DGCR8: variants seen among roughly 807,000 people sequenced by gnomAD.
DGCR8 encodes DGCR8 microprocessor complex subunit, also known as microprocessor complex subunit DGCR8.
DGCR8 carries 14 observed loss-of-function variants against 78.5 expected under a neutral mutation model. The ratio of observed to expected loss-of-function variants is 0.18; its 90% confidence interval spans 0.12 to 0.28. DGCR8 has a LOEUF of 0.28. DGCR8 is among the 10% of genes least tolerant of loss of function. DGCR8 has a pLI of 1.00. For synonymous variants in DGCR8, 399 were observed against 402.4 expected (o/e 0.99, Z 0.10); for missense variants, 702 against 1,022.5 (o/e 0.69, Z 4.28).
At chr22:20,095,242 A>C (rs946125001) in intron 9 of DGCR8, among the ~76,000 whole-genome samples, 2 of 152,088 alleles carry the variant, frequency 1.3e-5, no homozygotes, top group African/African-American at 4.8e-5. Context: ...AGTAGCTGGG[A>C]TTACAGGTGT....
rs947125018 is a variant in DGCR8, at chr22:20,096,589, CAG to C, written c.1788+1797_1788+1798del. 35 of 568,354 alleles carry C rather than the reference CAG, an allele frequency of 6.2e-5. No homozygotes were observed. The African/African-American group carries it at 6.9e-4, about 11-fold the overall frequency. 35.2% of individuals were successfully genotyped at this position (568,354 alleles called of 1,614,324 possible). On this transcript the variant is annotated intron_variant, in intron 9 of 13. Transcript: ENST00000351989. The stretch of plus-strand genomic sequence containing the variant: ...CTATATAAGTGGATTTTTATATATT[CAG>C]AGTTGTATAACCATCATAACTACCT...
At chr22:20,107,834 G>C (rs1158964443) in intron 12 of DGCR8, 1 of 195,750 alleles carries the variant, frequency 5.1e-6, no homozygotes. Context: ...GAGCATATGT[G>C]TACCATCTGT....
chr22:20,080,401 GGGGCGCCCGC>G lies in DGCR8; in HGVS notation c.-278+24_-278+33del. 1 of 831,048 alleles carries G rather than the reference GGGGCGCCCGC, an allele frequency of 1.2e-6. No individual in the cohort carries two copies. Among genetic ancestry groups the G allele is most frequent in the Non-Finnish European group, 1.3e-6 (1 of 759,938 alleles). 51.5% of individuals were successfully genotyped at this position (831,048 alleles called of 1,614,324 possible). On this transcript the variant is annotated intron_variant, in intron 1 of 13. Transcript: ENST00000351989. ...CGCCTCAGGTAGGTGCGGGGCGCGA[GGGGCGCCCGC>G]GGGCGGTTGGGCGGGCGCCGCGGCC...
At chr22:20,091,398 A>C in intron 5 of DGCR8, 37 bp from the exon 6 acceptor site, 3 of 1,609,536 alleles carry the variant, frequency 1.9e-6, no homozygotes, top group Non-Finnish European at 2.6e-6. Context: ...CTATGTTGGA[A>C]GTTAAGTAAT....
At chr22:20,091,682 C>T (rs1423597081) in intron 6 of DGCR8, 50 bp downstream of exon 6, 1 of 1,598,138 alleles carries the variant, frequency 6.3e-7, no homozygotes, top group Non-Finnish European at 8.6e-7. Flanking sequence ...GCTGTTATTT[C>T]TAATGTGATG....
rs775144679 is a variant in DGCR8, at chr22:20,107,226, G to A, written c.1997-45G>A. 2.5e-6 allele frequency: 4 copies of A among 1,613,534 alleles called. No individual in the cohort carries two copies. The South Asian group carries it at 4.4e-5, about 18-fold the overall frequency. On this transcript the variant is annotated intron_variant, in intron 11 of 13. Transcript: ENST00000351989. ...AGCGGCAGGGGGCCCCATGAGCACT[G>A]GGTGTTTGTGACCCCCTCTCCATGC...
chr22:20,085,897 G>C lies in DGCR8; in HGVS notation c.-67G>C. On this transcript the variant is annotated 5_prime_UTR_variant, in exon 2 of 14. Transcript: ENST00000351989. This position sits in a 1 kb window ranked among gnomAD's most constrained non-coding sequence, Gnocchi z 6.2. ...GGTCTCAGCGGACTTGTGCATGTTA[G>C]CTGTGTAGATTTATGTGAGGGCTTG... The C allele has an allele frequency of 6.6e-7, 1 of 1,507,376 alleles. No homozygotes were observed. The highest frequency in any genetic ancestry group is 8.8e-7 in the Non-Finnish European group (1 of 1,135,822). The allele number at this position is 1,507,376 out of a possible 1,614,324, so 93.4% of individuals were successfully genotyped here. A position where few individuals can be genotyped will look rare whatever the true frequency, so the allele number is the denominator to read the frequency against.
intron 9 of DGCR8, among the ~76,000 whole-genome samples, chr22:20,099,612 C>T (rs1160364438): frequency 6.6e-6 from 1 of 152,234 alleles, no homozygotes; most frequent in African/African-American, 2.4e-5. Context: ...CTTGAATCAA[C>T]ACTCCTCAGA....
At position 20,102,048 on chromosome 22, in the gene DGCR8, A is replaced by G. The variant is rs1048187751; in HGVS notation, c.1789-4129A>G. 6.1e-6 allele frequency: 6 copies of G among 982,806 alleles called. No homozygotes were observed. In the Admixed American group the frequency reaches 3.1e-4, roughly 51 times the overall value. The allele number at this position is 982,806 out of a possible 1,614,324, so 60.9% of individuals were successfully genotyped here. On this transcript the variant is annotated intron_variant, in intron 9 of 13. Coordinates refer to ENST00000351989, the MANE Select transcript of DGCR8 (RefSeq NM_022720.7). ...AGCTGTGGGTTGGTGGTTCATGGCTATTAAATTTAGGTATTAGTGACCAAG... is the reference window on the plus strand; with the variant it reads ...AGCTGTGGGTTGGTGGTTCATGGCTGTTAAATTTAGGTATTAGTGACCAAG...
rs71717697 is a variant in DGCR8 at position 20,111,706 on chromosome 22, GCCCCC to G, written c.*1610_*1614del. 596 of 63,906 alleles carry G rather than the reference GCCCCC, an allele frequency of 9.3e-3. 2 individuals carry two copies. Among genetic ancestry groups the G allele is most frequent in the East Asian group, 0.028 (142 of 5,112 alleles). 4.0% of individuals were successfully genotyped at this position (63,906 alleles called of 1,614,324 possible). ...TGCCATACTCTTGTGGTCTCTGTGC[GCCCCC>G]CCCCCCCCCCCACCCGTCTGCCAAG... On this transcript the variant is annotated 3_prime_UTR_variant, in exon 14 of 14. Coordinates refer to ENST00000351989, the MANE Select transcript of DGCR8 (RefSeq NM_022720.7).
chr22:20,099,569 A>C (rs2049670533), intron 9 of DGCR8, among the ~76,000 whole-genome samples: 1 of 152,240 alleles, frequency 6.6e-6, no homozygotes, highest in Non-Finnish European at 1.5e-5. Flanking sequence ...AGATGCCAGC[A>C]ACTCCTTGTT....
chr22:20,096,628 A>G (rs2049631709), intron 9 of DGCR8: 1 of 276,468 alleles, frequency 3.6e-6, no homozygotes. Context: ...ATTTTAGAGT[A>G]TCTCAACACC....
rs766869709 is a variant in DGCR8 at position 20,086,248 on chromosome 22, C to A, written c.285C>A (p.Ser95Arg). ...LLIDPNCSGH[S>R]PRTARHAPAV... is the part of the protein sequence containing the mutation. ...TAGACCCGAACTGTAGTGGCCACAG[C>A]CCGCGCACCGCCCGGCACGCACCTG... The change falls in exon 2 of 14, where the codon AGC (serine) becomes AGA (arginine). Residue 95 changes from serine to arginine, a missense_variant. By Grantham distance (110) the Ser-to-Arg change is moderately radical. Transcript: ENST00000351989. This position sits in a 1 kb window ranked among gnomAD's most constrained non-coding sequence, Gnocchi z 6.4. The A allele has an allele frequency of 6.2e-7, 1 of 1,614,170 alleles. No individual in the cohort carries two copies. The highest frequency in any genetic ancestry group is 1.3e-5 in the African/African-American group (1 of 75,040).
Position 20,087,303 on chromosome 22 carries a change from A to G in DGCR8, c.862A>G (p.Ile288Val). 6.2e-7 allele frequency: 1 copy of G among 1,610,902 alleles called. No homozygotes were observed. The highest frequency in any genetic ancestry group is 8.5e-7 in the Non-Finnish European group (1 of 1,177,680). Residue 288 changes from isoleucine (I) to valine (V), a missense_variant, in exon 3 of 14, where the codon ATT (isoleucine) becomes GTT (valine). Transcript: ENST00000351989. The surrounding 1 kb of genome is among the most constrained non-coding windows in gnomAD (Gnocchi z 4.1). ...AAGTGTGCAGCCGATGATGACCAAG[A>G]TTAAAACAGTGCTCAAAAGTACGTG... ...ETSVQPMMTK[I>V]KTVLKSRGRP...
intron 1 of DGCR8, 102 bp downstream of exon 1, chr22:20,080,485 G>A: frequency 3.0e-6 from 3 of 984,006 alleles, no homozygotes; most frequent in Non-Finnish European, 3.6e-6. Flanking sequence ...GACCGAGGCC[G>A]CGGGCGGGGC....
intron 3 of DGCR8, among the ~76,000 whole-genome samples, chr22:20,088,219 G>A (rs190352040): frequency 5.3e-5 from 8 of 152,190 alleles, no homozygotes; most frequent in Admixed American, 1.3e-4. Flanking sequence ...TAAGCAGGAG[G>A]GCTTTTGGTC....
At chr22:20,108,773 G>T in intron 12 of DGCR8, 117 bp from the exon 13 acceptor site, 1 of 144,042 alleles carries the variant, frequency 6.9e-6, no homozygotes, top group Non-Finnish European at 1.2e-5. Context: ...GCTGTTTCGT[G>T]TCTGCCAGAC....
Position 20,087,370 on chromosome 22 carries a change from TG to T in DGCR8, c.880+51del, listed in dbSNP as rs1279636718. 8 of 1,541,572 alleles carry T rather than the reference TG, an allele frequency of 5.2e-6. No homozygotes were observed. The East Asian group carries it at 1.4e-4, about 27-fold the overall frequency. On this transcript the variant is annotated intron_variant, in intron 3 of 13. Transcript: ENST00000351989. This position sits in a 1 kb window ranked among gnomAD's most constrained non-coding sequence, Gnocchi z 4.1. ...TGGGTGTTCCAGGGCAGTGGAGGGGTGGTTGCTTCCTTAGCAGAAATGCTTT... is the reference window on the plus strand; with the variant it reads ...TGGGTGTTCCAGGGCAGTGGAGGGGTGTTGCTTCCTTAGCAGAAATGCTTT...
intron 9 of DGCR8, among the ~76,000 whole-genome samples, chr22:20,103,212 C>T (rs1456592610): frequency 1.3e-5 from 2 of 151,930 alleles, no homozygotes; most frequent in African/African-American, 4.8e-5. Flanking sequence ...GAATGGACAT[C>T]CTAACAATAT....
Sources: allele counts gnomAD v4.1 joint callset (sites outside exome capture counted in the v4.1 genomes callset), GRCh38; gene constraint gnomAD v4.1.1; non-coding constraint Gnocchi (gnomAD v3.1); transcripts MANE v1.5; gene names NCBI Gene and HGNC (gene_info 2026-07-23, HGNC 2026-07-21).